Variants in SCN4B observed in about 807,000 individuals in gnomAD.
The protein encoded by SCN4B is sodium voltage-gated channel beta subunit 4.
SCN4B carries 20 observed loss-of-function variants against 19.6 expected under a neutral mutation model. That is an observed-to-expected ratio of 1.02 (90% confidence interval 0.72 to 1.48). The LOEUF is 1.48. Ranked by LOEUF, SCN4B falls within the 40% of genes most tolerant of loss-of-function variation. SCN4B has a pLI of 0.00. For synonymous variants in SCN4B, 127 were observed against 122.8 expected (o/e 1.03, Z -0.22); for missense variants, 271 against 287.5 (o/e 0.94, Z 0.42).
intron 4 of SCN4B, among the ~76,000 whole-genome samples, chr11:118,139,542 G>GCACAATGCCTTGCA (rs1555096773): frequency 2.7e-4 from 41 of 151,754 alleles, no homozygotes; most frequent in African/African-American, 8.2e-4. Flanking sequence ...ATAGCATCTG[G>GCACAATGCCTTGCA]CACAGTGCCT....
chr11:118,138,406 T>C (rs1273236918), intron 4 of SCN4B, among the ~76,000 whole-genome samples: 1 of 152,212 alleles, frequency 6.6e-6, no homozygotes, highest in African/African-American at 2.4e-5. Context: ...CCTAGTGTAC[T>C]TCAAATGTTA....
intron 4 of SCN4B, among the ~76,000 whole-genome samples, chr11:118,139,679 T>C (rs745861715): frequency 6.6e-6 from 1 of 152,194 alleles, no homozygotes; most frequent in Non-Finnish European, 1.5e-5. Flanking sequence ...CCCAGCTCTA[T>C]CACTTACTAG....
Position 118,145,242 on chromosome 11 carries a change from C to G in SCN4B, c.62-13G>C. Reference sequence around the variant, plus strand: ...AGCAGGAAGAGGCCTGTGTAAGGAGCACCGCCTCCCTTAATAAAACCCCAC... The same window carrying G: ...AGCAGGAAGAGGCCTGTGTAAGGAGGACCGCCTCCCTTAATAAAACCCCAC... On this transcript the variant is annotated splice_polypyrimidine_tract_variant and intron_variant, in intron 1 of 4. Transcript: ENST00000324727. 5 of 1,613,840 alleles carry G rather than the reference C, an allele frequency of 3.1e-6. No homozygotes were observed. The highest frequency in any genetic ancestry group is 4.2e-6 in the Non-Finnish European group (5 of 1,179,966).
intron 3 of SCN4B, chr11:118,142,953 T>C (rs1212521490): frequency 6.6e-6 from 1 of 152,290 alleles, no homozygotes; most frequent in Non-Finnish European, 1.5e-5. Context: ...CGCCCTTGCA[T>C]ACTCGAGATT....
chr11:118,141,481 C>G, intron 3 of SCN4B, 145 bp from the exon 4 acceptor site: 2 of 903,434 alleles, frequency 2.2e-6, no homozygotes, highest in Non-Finnish European at 3.5e-6. Context: ...CCAGCCCTCC[C>G]CAGGCCTGCA....
In SCN4B at chr11:118,152,599, T is replaced by TG. The variant is rs72544154; in HGVS notation, c.61+13dup. The TG allele has an allele frequency of 6.2e-7, 1 of 1,610,774 alleles. No individual in the cohort carries two copies. The highest frequency in any genetic ancestry group is 8.5e-7 in the Non-Finnish European group (1 of 1,177,804). ...GGGGAGGCAAGAGAAGAGACCAAGCTGGGGCTGCCTTACCCAAAAGCCCAG... is the reference window on the plus strand; with the variant it reads ...GGGGAGGCAAGAGAAGAGACCAAGCTGGGGGCTGCCTTACCCAAAAGCCCAG... On this transcript the variant is annotated intron_variant, in intron 1 of 4. Coordinates refer to ENST00000324727, the MANE Select transcript of SCN4B (RefSeq NM_174934.4).
intron 4 of SCN4B, among the ~76,000 whole-genome samples, chr11:118,139,701 TG>T (rs1028493489): frequency 1.3e-5 from 2 of 152,216 alleles, no homozygotes; most frequent in African/African-American, 4.8e-5. Flanking sequence ...TGTGTGGCCT[TG>T]GGCAAGTCAC....
chr11:118,146,701 G>T (rs1307970012), intron 1 of SCN4B, among the ~76,000 whole-genome samples: 1 of 152,148 alleles, frequency 6.6e-6, no homozygotes, highest in East Asian at 1.9e-4. Flanking sequence ...TAACCCCATC[G>T]TGATTCGGCC....
intron 1 of SCN4B, among the ~76,000 whole-genome samples, chr11:118,152,007 G>T (rs1948237420): frequency 6.6e-6 from 1 of 152,194 alleles, no homozygotes; most frequent in African/African-American, 2.4e-5. Context: ...AGACAAGGCC[G>T]TTCCTAAAGG....
In SCN4B at chr11:118,148,201, G is replaced by T. The variant is rs188610049; in HGVS notation, c.62-2972C>A. 6.6e-6 allele frequency among the ~76,000 whole-genome samples: 1 copy of T among 152,346 alleles called. No homozygotes were observed. The highest frequency in any genetic ancestry group is 2.1e-4 in the South Asian group (1 of 4,832). ...TTTCACAGAGTCCAGAGCCCTGCCC[G>T]AGTGAAAGCATCAGAGAGGGTGGGC... On this transcript the variant is annotated intron_variant, in intron 1 of 4. Transcript: ENST00000324727. The surrounding 1 kb of genome is among the most constrained non-coding windows in gnomAD (Gnocchi z 4.0).
Position 118,133,602 on chromosome 11 carries a change from G to T in SCN4B, c.*3425C>A, listed in dbSNP as rs1165143697. The stretch of plus-strand genomic sequence containing the variant: ...TAGTTACATAGGAAAATTGACTATG[G>T]GTATTGTTGTCATCCAAGCCAGAGG... On this transcript the variant is annotated 3_prime_UTR_variant, in exon 5 of 5. Coordinates refer to ENST00000324727, the MANE Select transcript of SCN4B (RefSeq NM_174934.4). The T allele has an allele frequency of 4.4e-6, 2 of 454,426 alleles. No homozygotes were observed. The highest frequency in any genetic ancestry group is 8.8e-6 in the Non-Finnish European group (2 of 226,806). The allele number at this position is 454,426 out of a possible 1,614,324, so 28.1% of individuals were successfully genotyped here. A position where few individuals can be genotyped will look rare whatever the true frequency, so the allele number is the denominator to read the frequency against.
intron 1 of SCN4B, chr11:118,145,629 G>C: frequency 4.7e-6 from 2 of 422,418 alleles, no homozygotes; most frequent in Non-Finnish European, 4.2e-6. Flanking sequence ...TCTGTTTGCA[G>C]GGGAATTCCC....
Position 118,144,081 on chromosome 11 carries a change from G to A in SCN4B, c.235-20C>T, listed in dbSNP as rs780599096. 5.1e-6 allele frequency: 8 copies of A among 1,554,992 alleles called. No homozygotes were observed. The highest frequency in any genetic ancestry group is 1.4e-5 in the African/African-American group (1 of 73,642). The stretch of plus-strand genomic sequence containing the variant: ...TATGAGCTGGTGGAGGAAGGGAGTT[G>A]GGGTGAGAAAGTAGCCGAGAAAGAA... On this transcript the variant is annotated intron_variant, in intron 2 of 4. Coordinates refer to ENST00000324727, the MANE Select transcript of SCN4B (RefSeq NM_174934.4).
At chr11:118,147,942 A>G (rs941837867) in intron 1 of SCN4B, among the ~76,000 whole-genome samples, 2 of 152,256 alleles carry the variant, frequency 1.3e-5, no homozygotes, top group Non-Finnish European at 2.9e-5. Flanking sequence ...GATGCGTGCG[A>G]AAAGGAAATC....
At chr11:118,145,699 G>C in intron 1 of SCN4B, 1 of 313,568 alleles carries the variant, frequency 3.2e-6, no homozygotes, top group South Asian at 2.8e-5. Flanking sequence ...CGGTCGAGGA[G>C]GGGGAAGAGC....
chr11:118,145,589 C>T (rs1948162529), intron 1 of SCN4B: 1 of 655,814 alleles, frequency 1.5e-6, no homozygotes, highest in South Asian at 1.8e-5. Context: ...CCTGCCGCAC[C>T]CACTCCAGGA....
intron 3 of SCN4B, chr11:118,142,011 G>T (rs1948105284): frequency 6.5e-6 from 1 of 152,724 alleles, no homozygotes; most frequent in Non-Finnish European, 1.5e-5. Flanking sequence ...CTTTATCCAA[G>T]CTACCTGAGA....
At position 118,134,092 on chromosome 11, in the gene SCN4B, G is replaced by A. The variant is rs1947956952; in HGVS notation, c.*2935C>T. ...CAAGCCCTCGCTCCACAAGAGCTCT[G>A]ATCGGCCTGCCATATGTAGTCTGAG... is the stretch of plus-strand genomic sequence containing the variant. On this transcript the variant is annotated 3_prime_UTR_variant, in exon 5 of 5. Transcript: ENST00000324727. 1 of 454,230 alleles carries A rather than the reference G, an allele frequency of 2.2e-6. No individual in the cohort carries two copies. The highest frequency in any genetic ancestry group is 2.3e-5 in the Admixed American group (1 of 42,556). 28.1% of individuals were successfully genotyped at this position (454,230 alleles called of 1,614,324 possible). A position where few individuals can be genotyped will look rare whatever the true frequency, so the allele number is the denominator to read the frequency against.
At chr11:118,139,901 C>T (rs12418707) in intron 4 of SCN4B, among the ~76,000 whole-genome samples, 431 of 103,768 alleles carry the variant, frequency 4.2e-3, no homozygotes, top group Middle Eastern at 0.02. Context: ...TTTTTTTTTT[C>T]TTTTTTCTTT....
Sources: gnomAD v4.1 joint callset for allele counts (sites outside exome capture counted in the v4.1 genomes callset) on GRCh38, gnomAD v4.1.1 for gene constraint, Gnocchi (gnomAD v3.1) non-coding constraint, MANE v1.5 for transcripts, NCBI Gene and HGNC (gene_info 2026-07-23, HGNC 2026-07-21) for gene names.